The following UPP2 variants were observed in gnomAD, a reference collection of about 807,000 sequenced individuals.
The protein encoded by UPP2 is uridine phosphorylase 2.
UPP2 carries 23 observed loss-of-function variants against 26.7 expected under a neutral mutation model. The observed-to-expected ratio is 0.86, with a 90% CI of 0.62 to 1.22. The LOEUF (loss-of-function observed/expected upper bound fraction) is 1.22, where lower values mean the gene tolerates loss of function less well. Among genes scored for constraint, UPP2 ranks in the 50% most tolerant of loss-of-function variants. UPP2 has a pLI of 0.00. For missense variants in UPP2, 387 were observed against 396.7 expected (o/e 0.98, Z 0.21); for synonymous variants, 127 against 141.3 (o/e 0.90, Z 0.72).
intron 3 of UPP2, among the ~76,000 whole-genome samples, chr2:158,048,683 T>C (rs545769202): frequency 1.4e-4 from 22 of 152,342 alleles, no homozygotes; most frequent in African/African-American, 1.7e-4. Context: ...CCCTTTGTAG[T>C]GCACAGTCTC....
chr2:158,113,375 A>G (rs1683359346), intron 2 of UPP2, among the ~76,000 whole-genome samples: 1 of 152,186 alleles, frequency 6.6e-6, no homozygotes, highest in Non-Finnish European at 1.5e-5. Context: ...ACCAACAAAG[A>G]AGAAAATTCT....
chr2:158,046,993 T>C (rs893083617), intron 3 of UPP2, among the ~76,000 whole-genome samples: 3 of 152,238 alleles, frequency 2.0e-5, no homozygotes, highest in Admixed American at 6.5e-5. Flanking sequence ...GACACCATGC[T>C]TGAAGATTCA....
At chr2:158,015,856 C>T (rs187356364) in exon 3 of UPP2, 172 of 452,886 alleles carry the variant, frequency 3.8e-4, no homozygotes, top group Non-Finnish European at 5.7e-4. Flanking sequence ...TGAGGCCTCC[C>T]AGCCATGCTT....
intron 3 of UPP2, among the ~76,000 whole-genome samples, chr2:158,085,867 G>T (rs1270906762): frequency 6.6e-6 from 1 of 151,906 alleles, no homozygotes; most frequent in Non-Finnish European, 1.5e-5. Context: ...TGTCATGCTG[G>T]ATTATCTTTT....
At chr2:158,000,886 A>T (rs561596732) in intron 2 of UPP2, among the ~76,000 whole-genome samples, 1 of 152,358 alleles carries the variant, frequency 6.6e-6, no homozygotes, top group South Asian at 2.1e-4. Flanking sequence ...CTCATCAGTA[A>T]AGTGGATAAA....
intron 2 of UPP2, among the ~76,000 whole-genome samples, chr2:158,004,633 G>A (rs186331654): frequency 3.9e-5 from 6 of 152,278 alleles, no homozygotes; most frequent in Non-Finnish European, 7.4e-5. Context: ...TCCTAGTCGG[G>A]GGAGATGGAT....
chr2:158,092,410 A>T (rs1181696865), intron 3 of UPP2, among the ~76,000 whole-genome samples: 5 of 152,368 alleles, frequency 3.3e-5, no homozygotes, highest in Admixed American at 2.0e-4. Context: ...TTCATCAGCA[A>T]CAATGGGTAC....
intron 3 of UPP2, among the ~76,000 whole-genome samples, chr2:158,039,559 T>A (rs1185979358): frequency 1.3e-5 from 2 of 152,226 alleles, no homozygotes; most frequent in African/African-American, 4.8e-5. Flanking sequence ...CTGTTGAATA[T>A]AATTTTAATG....
Sources: gnomAD v4.1 joint callset for allele counts (sites outside exome capture counted in the v4.1 genomes callset) on GRCh38, gnomAD v4.1.1 for gene constraint, MANE v1.5 for transcripts, NCBI Gene and HGNC (gene_info 2026-07-23, HGNC 2026-07-21) for gene names.